Variants in ADRA1B observed in about 807,000 individuals in gnomAD.
ADRA1B encodes the protein alpha-1B adrenergic receptor.
A neutral mutation model predicts 17.9 loss-of-function variants in ADRA1B; 17 were observed. The observed-to-expected ratio is 0.95, with a 90% CI of 0.65 to 1.42. The LOEUF is 1.42. ADRA1B is among the 40% of genes most tolerant of loss of function. ADRA1B has a pLI of 0.00. For missense variants in ADRA1B, 681 were observed against 722.1 expected, an observed-to-expected ratio of 0.94 and a Z score of 0.65; for synonymous variants, 366 against 327.6, an observed-to-expected ratio of 1.12 and a Z score of -1.27.
At chr5:159,912,902 C>A (rs1467786239), upstream of ADRA1B, among the ~76,000 whole-genome samples, 1 of 152,218 alleles carries the variant, frequency 6.6e-6, no homozygotes, top group Non-Finnish European at 1.5e-5. Context: ...TTATTGTTTG[C>A]TTGGTTTCAT....
chr5:159,981,103 A>T, the ADRA1B span, among the ~76,000 whole-genome samples: 3 of 152,202 alleles, frequency 2.0e-5, no homozygotes, highest in African/African-American at 7.2e-5. Context: ...AACCCACAGG[A>T]TGAAATACAT....
chr5:159,910,046 T>A (rs1754212936), intron 1 of ADRA1B, among the ~76,000 whole-genome samples: 1 of 152,224 alleles, frequency 6.6e-6, no homozygotes, highest in Non-Finnish European at 1.5e-5. Flanking sequence ...GAGATACATC[T>A]TATATATACA....
chr5:159,986,662 A>G, the ADRA1B span, among the ~76,000 whole-genome samples: 4,301 of 152,274 alleles, frequency 0.028, 97 homozygotes, highest in Middle Eastern at 0.085. Flanking sequence ...AGACCCAGTA[A>G]TCTGCGTTTT....
chr5:159,920,452 A>C (rs530374692), intron 1 of ADRA1B, among the ~76,000 whole-genome samples: 2 of 152,066 alleles, frequency 1.3e-5, no homozygotes, highest in African/African-American at 4.8e-5. Flanking sequence ...GCTTCCACAC[A>C]ATAAAAAGTG....
intron 1 of ADRA1B, among the ~76,000 whole-genome samples, chr5:159,959,858 T>TC (rs1755632178): frequency 6.6e-6 from 1 of 151,828 alleles, no homozygotes; most frequent in South Asian, 2.1e-4. Context: ...GTTCTGGCCT[T>TC]CCCCACCCCA....
At chr5:159,957,469 C>T (rs981077487) in intron 1 of ADRA1B, among the ~76,000 whole-genome samples, 5 of 147,256 alleles carry the variant, frequency 3.4e-5, no homozygotes, top group African/African-American at 1.3e-4. Context: ...CATGCAACTG[C>T]GCTCCAATCT....
intron 1 of ADRA1B, among the ~76,000 whole-genome samples, chr5:159,905,950 A>T (rs937273287): frequency 1.3e-5 from 2 of 151,714 alleles, no homozygotes; most frequent in Non-Finnish European, 2.9e-5. Flanking sequence ...TCCGCCTCCC[A>T]GGTTCAAGCA....
chr5:159,927,829 C>G (rs1330043067), intron 1 of ADRA1B, among the ~76,000 whole-genome samples: 1 of 152,000 alleles, frequency 6.6e-6, no homozygotes, highest in African/African-American at 2.4e-5. Context: ...GAAACTGGCA[C>G]TAACAGCCTC....
intron 1 of ADRA1B, among the ~76,000 whole-genome samples, chr5:159,953,425 C>G: frequency 6.6e-6 from 1 of 152,116 alleles, no homozygotes; most frequent in Non-Finnish European, 1.5e-5. Flanking sequence ...AAACTATCCC[C>G]ACCACACATC....
upstream of ADRA1B, among the ~76,000 whole-genome samples, chr5:159,913,134 G>A (rs189845297): frequency 3.8e-3 from 579 of 152,288 alleles, 7 homozygotes; most frequent in African/African-American, 0.012. Flanking sequence ...TGGAGGGTTC[G>A]CAGAAATGGG....
At chr5:159,940,423 A>G (rs1361516156) in intron 1 of ADRA1B, among the ~76,000 whole-genome samples, 6 of 152,122 alleles carry the variant, frequency 3.9e-5, no homozygotes, top group African/African-American at 1.4e-4. Flanking sequence ...GAACCCTGTT[A>G]GTTCGGTTTA....
chr5:159,966,270 T>C (rs1755774529), intron 1 of ADRA1B, among the ~76,000 whole-genome samples: 1 of 152,256 alleles, frequency 6.6e-6, no homozygotes, highest in African/African-American at 2.4e-5. Flanking sequence ...AGTTAATTAC[T>C]ATTCATGCAG....
intron 1 of ADRA1B, among the ~76,000 whole-genome samples, chr5:159,925,874 T>C (rs1411721373): frequency 6.6e-6 from 1 of 152,194 alleles, no homozygotes; most frequent in Non-Finnish European, 1.5e-5. Context: ...TTCTGAAAAC[T>C]TTGTGTGGCC....
At chr5:159,983,508 T>C in the ADRA1B span, among the ~76,000 whole-genome samples, 10 of 152,210 alleles carry the variant, frequency 6.6e-5, no homozygotes, top group South Asian at 2.1e-4. Flanking sequence ...CCGCGTGCCA[T>C]TGGGGCCTCT....
chr5:159,883,916 C>T (rs563132135), intron 1 of ADRA1B, among the ~76,000 whole-genome samples: 1 of 152,306 alleles, frequency 6.6e-6, no homozygotes, highest in Non-Finnish European at 1.5e-5. Flanking sequence ...TTGTTATCTA[C>T]ACTATGAGGC....
chr5:159,958,979 A>T (rs1194575935), intron 1 of ADRA1B, among the ~76,000 whole-genome samples: 1 of 152,238 alleles, frequency 6.6e-6, no homozygotes, highest in African/African-American at 2.4e-5. Context: ...GGCTTAAGCC[A>T]AAAGGTAGCT....
intron 1 of ADRA1B, among the ~76,000 whole-genome samples, chr5:159,883,103 A>C (rs1753881221): frequency 6.6e-6 from 1 of 152,070 alleles, no homozygotes; most frequent in Non-Finnish European, 1.5e-5. Context: ...CCCTTAAGGC[A>C]AGTCTTAACT....
intron 1 of ADRA1B, among the ~76,000 whole-genome samples, chr5:159,895,121 C>T (rs927741997): frequency 2.0e-5 from 3 of 152,198 alleles, no homozygotes; most frequent in African/African-American, 7.2e-5. Flanking sequence ...ACCACTTCAG[C>T]GCTATCTATG....
chr5:159,889,988 ACT>A (rs1408912119), intron 1 of ADRA1B, among the ~76,000 whole-genome samples: 6 of 152,082 alleles, frequency 3.9e-5, no homozygotes, highest in Admixed American at 3.9e-4. Context: ...AGATAAATAG[ACT>A]CTGGCACAGA....
Sources: allele counts gnomAD v4.1 joint callset (sites outside exome capture counted in the v4.1 genomes callset), GRCh38; gene constraint gnomAD v4.1.1; transcripts MANE v1.5; gene names NCBI Gene and HGNC (gene_info 2026-07-23, HGNC 2026-07-21).